CDC42BPA: variants seen among roughly 807,000 people sequenced by gnomAD.
CDC42BPA encodes the protein CDC42 binding protein kinase alpha, also known as serine/threonine-protein kinase MRCK alpha.
A neutral mutation model predicts 223.5 loss-of-function variants in CDC42BPA; 80 were observed. That is an observed-to-expected ratio of 0.36 (90% CI 0.30 to 0.43). The LOEUF (loss-of-function observed/expected upper bound fraction) is 0.43, where lower values mean the gene tolerates loss of function less well. CDC42BPA is among the 20% of genes least tolerant of loss of function. The pLI is 1.00. For synonymous variants in CDC42BPA, 694 were observed against 718.6 expected, an observed-to-expected ratio of 0.97 and a Z score of 0.55; for missense variants, 1,743 against 2,099.9, an observed-to-expected ratio of 0.83 and a Z score of 3.32.
Position 227,139,574 on chromosome 1 carries a change from A to G in CDC42BPA, c.1390+2T>C. ...GTGAAAATATATTTAAAATATATTT[A>G]CCTTGAAGTTTTCTACTGAGTTCAA... On this transcript the variant is annotated splice_donor_variant, in intron 10 of 36. Coordinates refer to ENST00000366766, the MANE Select transcript of CDC42BPA (RefSeq NM_001394014.1). LOFTEE classifies it high-confidence loss of function. 6.5e-7 allele frequency: 1 copy of G among 1,544,184 alleles called. No individual in the cohort carries two copies. Among genetic ancestry groups the G allele is most frequent in the Non-Finnish European group, 8.7e-7 (1 of 1,142,972 alleles).
chr1:227,208,230 T>G (rs1024480300), intron 3 of CDC42BPA, among the ~76,000 whole-genome samples: 1 of 151,478 alleles, frequency 6.6e-6, no homozygotes, highest in Non-Finnish European at 1.5e-5. Flanking sequence ...TCTTGTAAAT[T>G]TGTTTGAGTT....
At chr1:227,080,861 A>T (rs1680483856) in intron 17 of CDC42BPA, 32 bp downstream of exon 17, 1 of 1,611,636 alleles carries the variant, frequency 6.2e-7, no homozygotes, top group African/African-American at 1.3e-5. Context: ...ACTCACAATC[A>T]TCCACAAAAA....
intron 5 of CDC42BPA, among the ~76,000 whole-genome samples, chr1:227,187,672 ACC>A (rs150262459): frequency 2.5e-5 from 1 of 39,566 alleles, no homozygotes; most frequent in Non-Finnish European, 4.4e-5. Context: ...GATAAATGGC[ACC>A]CCCCACCCCC....
At chr1:227,284,414 T>C (rs1433888894) in intron 1 of CDC42BPA, among the ~76,000 whole-genome samples, 3 of 152,154 alleles carry the variant, frequency 2.0e-5, no homozygotes, top group Non-Finnish European at 4.4e-5. Context: ...TACTGGTTGG[T>C]TTTCCAGTGA....
intron 3 of CDC42BPA, among the ~76,000 whole-genome samples, chr1:227,207,764 A>G (rs1241161177): frequency 4.9e-4 from 70 of 142,888 alleles, no homozygotes; most frequent in African/African-American, 1.8e-3. Context: ...CCAGTCTATC[A>G]TTGTTGGACA....
At chr1:227,215,021 T>C (rs1674582900) in intron 2 of CDC42BPA, among the ~76,000 whole-genome samples, 1 of 152,202 alleles carries the variant, frequency 6.6e-6, no homozygotes, top group Non-Finnish European at 1.5e-5. Context: ...TATTCTTGCT[T>C]TTTAATCTCA....
intron 16 of CDC42BPA, among the ~76,000 whole-genome samples, chr1:227,087,841 C>T (rs935254761): frequency 2.6e-5 from 4 of 152,168 alleles, no homozygotes; most frequent in African/African-American, 9.7e-5. Flanking sequence ...AGCCAGAAGT[C>T]TATCAGCTGT....
intron 1 of CDC42BPA, among the ~76,000 whole-genome samples, chr1:227,304,837 G>A (rs1027147217): frequency 1.3e-5 from 2 of 152,224 alleles, no homozygotes; most frequent in African/African-American, 4.8e-5. Context: ...GAACTGCTCT[G>A]TACCTTGACT....
intron 1 of CDC42BPA, chr1:227,264,946 C>A: frequency 4.6e-6 from 5 of 1,083,490 alleles, no homozygotes; most frequent in Non-Finnish European, 1.4e-6. Context: ...CATGGATTAT[C>A]TCTTCCTCTT....
intron 5 of CDC42BPA, among the ~76,000 whole-genome samples, chr1:227,164,823 G>A (rs951412155): frequency 6.6e-6 from 1 of 152,020 alleles, no homozygotes; most frequent in African/African-American, 2.4e-5. Context: ...AAATGCAAAG[G>A]GCTCAACATT....
At chr1:227,025,989 T>A in intron 31 of CDC42BPA, 66 bp downstream of exon 31, 2 of 817,604 alleles carry the variant, frequency 2.4e-6, no homozygotes, top group Non-Finnish European at 4.0e-6. Flanking sequence ...AAAAAATTAC[T>A]ATGTAGTAAT....
intron 5 of CDC42BPA, among the ~76,000 whole-genome samples, chr1:227,191,213 C>A (rs1006517057): frequency 6.6e-6 from 1 of 151,862 alleles, no homozygotes; most frequent in African/African-American, 2.4e-5. Flanking sequence ...GGCTTCATGG[C>A]GCATGACTGT....
intron 15 of CDC42BPA, among the ~76,000 whole-genome samples, chr1:227,095,281 T>C (rs1055564908): frequency 1.3e-5 from 2 of 152,178 alleles, no homozygotes; most frequent in African/African-American, 4.8e-5. Context: ...CCTTATTTGA[T>C]TATGTATATA....
chr1:227,045,751 GCT>G (rs1437936470), intron 23 of CDC42BPA, among the ~76,000 whole-genome samples: 4 of 151,924 alleles, frequency 2.6e-5, no homozygotes, highest in Non-Finnish European at 4.4e-5. Flanking sequence ...TTCTCATATT[GCT>G]CTGTTTCTTT....
At chr1:227,232,571 G>A (rs1323226612) in intron 2 of CDC42BPA, among the ~76,000 whole-genome samples, 1 of 152,124 alleles carries the variant, frequency 6.6e-6, no homozygotes, top group Non-Finnish European at 1.5e-5. Context: ...CTTTGATGAT[G>A]GTGATGTACA....
chr1:227,208,933 A>C (rs1673347530), intron 3 of CDC42BPA, among the ~76,000 whole-genome samples: 1 of 152,074 alleles, frequency 6.6e-6, no homozygotes, highest in Non-Finnish European at 1.5e-5. Flanking sequence ...TTGAATCTGT[A>C]AATTACCATG....
intron 3 of CDC42BPA, among the ~76,000 whole-genome samples, chr1:227,211,935 G>A (rs1244267768): frequency 6.6e-5 from 10 of 152,084 alleles, no homozygotes. Context: ...AATGTTTAAT[G>A]AAGAAATAGT....
At chr1:227,275,893 C>T (rs1224585598) in intron 1 of CDC42BPA, among the ~76,000 whole-genome samples, 1 of 152,202 alleles carries the variant, frequency 6.6e-6, no homozygotes. Context: ...CGGAGTCTCG[C>T]TCACTCAGTG....
chr1:226,997,929 G>C (rs1007559319), intron 35 of CDC42BPA, among the ~76,000 whole-genome samples: 1 of 152,188 alleles, frequency 6.6e-6, no homozygotes, highest in Non-Finnish European at 1.5e-5. Context: ...CCGTGGATTT[G>C]GGGTGGAGAG....
Sources: gnomAD v4.1 joint callset for allele counts (sites outside exome capture counted in the v4.1 genomes callset) on GRCh38, gnomAD v4.1.1 for gene constraint, MANE v1.5 for transcripts, NCBI Gene and HGNC (gene_info 2026-07-23, HGNC 2026-07-21) for gene names.